Variants in ZNF521 observed in about 807,000 individuals in gnomAD.
The protein encoded by ZNF521 is LYST-interacting protein 3.
In ZNF521, 14 loss-of-function variants were observed where a neutral mutation model predicts 105.5. The observed-to-expected ratio is 0.13, with a 90% confidence interval of 0.09 to 0.21. The LOEUF (loss-of-function observed/expected upper bound fraction) is 0.21. Ranked by LOEUF, ZNF521 falls within the 10% of genes least tolerant of loss-of-function variation. ZNF521 has a pLI of 1.00. For synonymous variants in ZNF521, 635 were observed against 606.0 expected, an observed-to-expected ratio of 1.05 and a Z score of -0.70; for missense variants, 1,233 against 1,629.7, an observed-to-expected ratio of 0.76 and a Z score of 4.19.
At chr18:25,283,972 C>T (rs1173570703) in intron 3 of ZNF521, among the ~76,000 whole-genome samples, 9 of 140,766 alleles carry the variant, frequency 6.4e-5, no homozygotes, top group Non-Finnish European at 1.2e-4. Context: ...AACTGTTTTA[C>T]ACTAGACGGC....
intron 4 of ZNF521, among the ~76,000 whole-genome samples, chr18:25,217,194 C>G (rs949858134): frequency 6.6e-6 from 1 of 152,120 alleles, no homozygotes; most frequent in African/African-American, 2.4e-5. Flanking sequence ...TCTACGCTTC[C>G]AACTGCAGCA....
chr18:25,240,666 T>C (rs1907254326), intron 3 of ZNF521, among the ~76,000 whole-genome samples: 1 of 152,116 alleles, frequency 6.6e-6, no homozygotes, highest in Non-Finnish European at 1.5e-5. Context: ...CCCTTGATTC[T>C]GAGTACACAT....
chr18:25,152,199 C>T (rs1387100340), intron 5 of ZNF521, among the ~76,000 whole-genome samples: 4 of 152,194 alleles, frequency 2.6e-5, no homozygotes, highest in African/African-American at 7.2e-5. Flanking sequence ...ATCCTCTAGG[C>T]TGGGCATGGT....
chr18:25,202,589 A>G (rs1056478683), intron 4 of ZNF521: 5 of 152,236 alleles, frequency 3.3e-5, no homozygotes, highest in African/African-American at 9.6e-5. Context: ...AGCTAGGAGG[A>G]AAAAGCTGTT....
chr18:25,309,138 G>A lies in ZNF521; in HGVS notation c.220+12870C>T, dbSNP rs139252892. Among the ~76,000 whole-genome samples the A allele has an allele frequency of 1.4e-4, 22 of 152,258 alleles. No homozygotes were observed. The East Asian group carries it at 1.9e-3, about 13-fold the overall frequency. ...AGACTGCTTGCAGAAGGAAGTTAGCGGTAATGGAAGGAGGCAGAAATTAAC... is the reference window on the plus strand; with the variant it reads ...AGACTGCTTGCAGAAGGAAGTTAGCAGTAATGGAAGGAGGCAGAAATTAAC... On this transcript the variant is annotated intron_variant, in intron 3 of 7. Transcript: ENST00000361524.
Position 25,062,745 on chromosome 18 carries a change from T to C in ZNF521, c.3907-4A>G, listed in dbSNP as rs201903257. On this transcript the variant is annotated splice_polypyrimidine_tract_variant and splice_region_variant and intron_variant, in intron 7 of 7. Transcript: ENST00000361524. ...TGTGTTGGGTCATTGTATGATTCTG[T>C]AAATAACAAAAAAAAAAAAAAAAAA... is the stretch of plus-strand genomic sequence containing the variant. 247 of 936,820 alleles carry C rather than the reference T, an allele frequency of 2.6e-4. 3 individuals carry two copies. The East Asian group carries it at 6.0e-3, about 23-fold the overall frequency. 58.0% of individuals were successfully genotyped at this position (936,820 alleles called of 1,614,324 possible).
Position 25,225,212 on chromosome 18 carries a change from C to G in ZNF521, c.2706G>C (p.Gln902His). 1.2e-6 allele frequency: 2 copies of G among 1,614,134 alleles called. No individual in the cohort carries two copies. The highest frequency in any genetic ancestry group is 1.7e-6 in the Non-Finnish European group (2 of 1,180,020). The change falls in exon 4 of 8, where the codon CAG becomes CAC. Residue 902 changes from glutamine to histidine, a missense_variant. Gln to His is a conservative substitution (Grantham distance 24). Coordinates refer to ENST00000361524, the MANE Select transcript of ZNF521 (RefSeq NM_015461.3). This position sits in a 1 kb window ranked among gnomAD's most constrained non-coding sequence, Gnocchi z 5.6. ...TGTTGTGGTCTCGGAGCTGGTGATT[C>G]TGCAGCAAAGTTTCCATAGTGTAGG... ...GAAYTMETLL[Q>H]NHQLRDHNIR...
At chr18:25,158,879 C>T (rs2144514539) in intron 5 of ZNF521, among the ~76,000 whole-genome samples, 1 of 151,792 alleles carries the variant, frequency 6.6e-6, no homozygotes, top group African/African-American at 2.4e-5. Context: ...TCACTTGAAC[C>T]CAGAAGGTGG....
At chr18:25,111,677 T>TA (rs2144301608) in intron 5 of ZNF521, among the ~76,000 whole-genome samples, 1 of 152,306 alleles carries the variant, frequency 6.6e-6, no homozygotes, top group South Asian at 2.1e-4. Flanking sequence ...TCCTTCTTTT[T>TA]AAGGGGCTAA....
intron 5 of ZNF521, among the ~76,000 whole-genome samples, chr18:25,178,902 C>T (rs932447220): frequency 2.6e-5 from 4 of 152,048 alleles, no homozygotes; most frequent in African/African-American, 9.7e-5. Flanking sequence ...TAGACAGATT[C>T]AAGAAGTGTG....
In ZNF521 at chr18:25,346,348, G is replaced by GA. The variant is rs373114660; in HGVS notation, c.40+4558dup. Reference sequence around the variant, plus strand: ...ATATATTTTGACTTTGAACATAAGAGAAAAAAATGTGTTTAAATAAGGACT... The same window carrying GA: ...ATATATTTTGACTTTGAACATAAGAGAAAAAAAATGTGTTTAAATAAGGACT... On this transcript the variant is annotated intron_variant, in intron 2 of 7. Coordinates refer to ENST00000361524, the MANE Select transcript of ZNF521 (RefSeq NM_015461.3). 9.0e-4 allele frequency among the ~76,000 whole-genome samples: 136 copies of GA among 151,712 alleles called. 2 individuals are homozygous for GA. Among genetic ancestry groups the GA allele is most frequent in the African/African-American group, 3.1e-3 (129 of 41,408 alleles).
intron 5 of ZNF521, among the ~76,000 whole-genome samples, chr18:25,109,423 C>T (rs1212969606): frequency 6.6e-6 from 1 of 152,166 alleles, no homozygotes; most frequent in Non-Finnish European, 1.5e-5. Context: ...CACAGGTACG[C>T]AGGTGTCTTT....
chr18:25,282,444 G>A (rs1029461992), intron 3 of ZNF521, among the ~76,000 whole-genome samples: 1 of 152,154 alleles, frequency 6.6e-6, no homozygotes, highest in Non-Finnish European at 1.5e-5. Flanking sequence ...AGGGGAGGCA[G>A]CACCCGGTGT....
intron 5 of ZNF521, among the ~76,000 whole-genome samples, chr18:25,123,742 A>G (rs2034487509): frequency 6.6e-6 from 1 of 152,176 alleles, no homozygotes; most frequent in African/African-American, 2.4e-5. Context: ...CCTTGACCTA[A>G]TGTGCTTTCT....
chr18:25,174,263 G>A lies in ZNF521; in HGVS notation c.3658+20897C>T, dbSNP rs1044472022. ...CTCCGTGACAGTTTCCTTTCGAGGA[G>A]CACTAACTCTGAAACCACCACAGAG... On this transcript the variant is annotated intron_variant, in intron 5 of 7. Coordinates refer to ENST00000361524, the MANE Select transcript of ZNF521 (RefSeq NM_015461.3). Among the ~76,000 whole-genome samples, 4 of 152,238 alleles carry A rather than the reference G, an allele frequency of 2.6e-5. No homozygotes were observed. The East Asian group carries it at 7.7e-4, about 29-fold the overall frequency.
At chr18:25,334,246 G>A (rs1913750225) in intron 2 of ZNF521, among the ~76,000 whole-genome samples, 2 of 152,158 alleles carry the variant, frequency 1.3e-5, no homozygotes, top group Non-Finnish European at 2.9e-5. Context: ...AGGCAGAAGA[G>A]TAGAAAAGGA....
intron 3 of ZNF521, among the ~76,000 whole-genome samples, chr18:25,260,565 T>C (rs1326759865): frequency 1.3e-5 from 2 of 152,182 alleles, no homozygotes; most frequent in Non-Finnish European, 2.9e-5. Context: ...ATGTATTATA[T>C]CTAGCACATA....
chr18:25,177,310 G>C (rs539505564), intron 5 of ZNF521, among the ~76,000 whole-genome samples: 4 of 152,196 alleles, frequency 2.6e-5, no homozygotes, highest in Admixed American at 2.0e-4. Flanking sequence ...TTGGCTAAGA[G>C]GAAGAGTCAA....
At chr18:25,275,176 G>A (rs1042939352) in intron 3 of ZNF521, among the ~76,000 whole-genome samples, 1 of 152,158 alleles carries the variant, frequency 6.6e-6, no homozygotes, top group Non-Finnish European at 1.5e-5. Context: ...GGATCCTGCT[G>A]CGATAAAACT....
Sources: gnomAD v4.1 joint callset for allele counts (sites outside exome capture counted in the v4.1 genomes callset) on GRCh38, gnomAD v4.1.1 for gene constraint, Gnocchi (gnomAD v3.1) non-coding constraint, MANE v1.5 for transcripts, NCBI Gene and HGNC (gene_info 2026-07-23, HGNC 2026-07-21) for gene names.